AMOTL1: variants seen among roughly 807,000 people sequenced by gnomAD.
AMOTL1 encodes angiomotin-like protein 1.
Under a neutral mutation model 102.9 loss-of-function variants are expected in AMOTL1, and 45 were observed. That is an observed-to-expected ratio of 0.44 (90% CI 0.34 to 0.56). The LOEUF (loss-of-function observed/expected upper bound fraction) is 0.56. Ranked by LOEUF, AMOTL1 falls within the 20% of genes least tolerant of loss-of-function variation. AMOTL1 has a pLI of 0.01. For synonymous variants in AMOTL1, 481 were observed against 484.7 expected (o/e 0.99, Z 0.10); for missense variants, 1,114 against 1,225.6 (o/e 0.91, Z 1.36).
chr11:94,795,114 A>G lies in AMOTL1; in HGVS notation c.153A>G (p.Thr51=), dbSNP rs1951342729. Residue 51 remains threonine, a synonymous_variant, in exon 2 of 13, where the codon ACA becomes ACG. Coordinates refer to ENST00000433060, the MANE Select transcript of AMOTL1 (RefSeq NM_130847.3). ...AGCTCTATTCTGGGAGGCATGAAAC[A>G]TCTGCTTTGACGGTGGAGGCAACCA... ...DFQLYSGRHE[T]SALTVEATSS... 1 of 1,613,838 alleles carries G rather than the reference A, an allele frequency of 6.2e-7. No individual in the cohort carries two copies. Among genetic ancestry groups the G allele is most frequent in the African/African-American group, 1.3e-5 (1 of 74,914 alleles).
chr11:94,851,114 A>G (rs1303149310), intron 7 of AMOTL1, among the ~76,000 whole-genome samples: 2 of 152,198 alleles, frequency 1.3e-5, no homozygotes, highest in Non-Finnish European at 2.9e-5. Context: ...TTTTAATACT[A>G]GCATAAGGCT....
Position 94,793,657 on chromosome 11 carries a change from G to A in AMOTL1, c.50-1354G>A, listed in dbSNP as rs902435142. On this transcript the variant is annotated intron_variant, in intron 1 of 12. Coordinates refer to ENST00000433060, the MANE Select transcript of AMOTL1 (RefSeq NM_130847.3). ...TTAGCCCTAGGCTTCTAGATTTATA[G>A]ACGTAGAGGATGATGCCCGGAAAGG... Among the ~76,000 whole-genome samples, 6 of 152,214 alleles carry A rather than the reference G, an allele frequency of 3.9e-5. No individual in the cohort carries two copies. In the East Asian group the frequency reaches 1.2e-3, roughly 29 times the overall value.
chr11:94,750,555 G>T (rs780169574), intron 3 of AMOTL1, among the ~76,000 whole-genome samples: 1 of 152,160 alleles, frequency 6.6e-6, no homozygotes, highest in Non-Finnish European at 1.5e-5. Flanking sequence ...GGTGGGCTAC[G>T]TGTGCGTAGC....
chr11:94,854,213 C>T, intron 8 of AMOTL1, 131 bp downstream of exon 8: 1 of 1,177,054 alleles, frequency 8.5e-7, no homozygotes, highest in African/African-American at 1.6e-5. Context: ...TCCCTGTCCT[C>T]AGTGAACCCA....
chr11:94,800,374 T>G (rs1258793290), intron 3 of AMOTL1, 63 bp downstream of exon 3: 37 of 1,476,002 alleles, frequency 2.5e-5, no homozygotes, highest in Non-Finnish European at 3.4e-5. Flanking sequence ...GTTATTAGCA[T>G]TTATTATTTT....
intron 3 of AMOTL1, among the ~76,000 whole-genome samples, chr11:94,759,311 TATACAC>T (rs994995807): frequency 7.2e-5 from 11 of 152,214 alleles, no homozygotes; most frequent in African/African-American, 2.7e-4. Context: ...TTTTTAAAAA[TATACAC>T]ATAGGTGCTG....
chr11:94,863,279 T>TAAA (rs57178685), intron 9 of AMOTL1, among the ~76,000 whole-genome samples: 73 of 120,584 alleles, frequency 6.1e-4, no homozygotes, highest in African/African-American at 2.0e-3. Context: ...GGCTATTCTG[T>TAAA]AAAAAAAAAA....
rs778914039 is a variant in AMOTL1, at chr11:94,800,307, A to G, written c.1117A>G (p.Thr373Ala). 1.7e-5 allele frequency: 27 copies of G among 1,588,390 alleles called. No homozygotes were observed. Among genetic ancestry groups the G allele is most frequent in the Non-Finnish European group, 2.2e-5 (26 of 1,168,946 alleles). The change falls in exon 3 of 13, where the codon ACG becomes GCG. Residue 373 changes from threonine to alanine, a missense_variant. By Grantham distance (58) the Thr-to-Ala change is moderately conservative (BLOSUM62 0). Transcript: ENST00000433060. ...CCAGCCACCCCCTGAGTATGGGGTA[A>G]CGAGGTGATTATCAACTGCAGACGT... ...RYQPPPEYGV[T>A]SRPCQLPFPS...
intron 1 of AMOTL1, among the ~76,000 whole-genome samples, chr11:94,713,735 A>G (rs944635606): frequency 2.0e-5 from 3 of 151,836 alleles, no homozygotes; most frequent in Admixed American, 6.6e-5. Context: ...AAATCCTGCA[A>G]CTGTGTTGAA....
chr11:94,748,331 A>G (rs138464997), intron 3 of AMOTL1, among the ~76,000 whole-genome samples: 4 of 152,320 alleles, frequency 2.6e-5, no homozygotes, highest in Non-Finnish European at 5.9e-5. Flanking sequence ...TAGACGAGGG[A>G]GAAGGAAAGT....
chr11:94,729,766 T>C (rs914432615), intron 2 of AMOTL1, among the ~76,000 whole-genome samples: 1 of 152,214 alleles, frequency 6.6e-6, no homozygotes, highest in Non-Finnish European at 1.5e-5. Flanking sequence ...CACAAGGATA[T>C]GTCTCCCATT....
At chr11:94,837,173 C>G (rs1240767365) in intron 6 of AMOTL1, among the ~76,000 whole-genome samples, 1 of 152,176 alleles carries the variant, frequency 6.6e-6, no homozygotes, top group Non-Finnish European at 1.5e-5. Flanking sequence ...AGCAAATTGT[C>G]TTGGATAAGC....
chr11:94,759,571 CA>C (rs59815376), intron 3 of AMOTL1, among the ~76,000 whole-genome samples: 83 of 129,824 alleles, frequency 6.4e-4, no homozygotes, highest in Non-Finnish European at 7.9e-4. Context: ...CTTTTAGGTG[CA>C]AAAAAAAAAA....
intron 1 of AMOTL1, among the ~76,000 whole-genome samples, chr11:94,772,716 G>A (rs541030013): frequency 6.6e-5 from 10 of 152,186 alleles, no homozygotes; most frequent in Non-Finnish European, 8.8e-5. Flanking sequence ...CATTTCTCTG[G>A]CGTAAATGCC....
chr11:94,834,547 G>A (rs1306871639), intron 6 of AMOTL1, among the ~76,000 whole-genome samples: 1 of 152,012 alleles, frequency 6.6e-6, no homozygotes, highest in Non-Finnish European at 1.5e-5. Flanking sequence ...AGCTGAGATC[G>A]CGCCACTGCA....
chr11:94,727,455 A>G (rs1484139550), intron 1 of AMOTL1, among the ~76,000 whole-genome samples: 1 of 152,182 alleles, frequency 6.6e-6, no homozygotes, highest in Non-Finnish European at 1.5e-5. Flanking sequence ...TCTAGCCTCA[A>G]TCAGCCACCT....
intron 7 of AMOTL1, among the ~76,000 whole-genome samples, chr11:94,851,491 A>G (rs942881428): frequency 4.6e-5 from 7 of 152,128 alleles, no homozygotes; most frequent in Middle Eastern, 3.4e-3. Context: ...TTCCAGCATC[A>G]CTCCTTTCTA....
Position 94,730,111 on chromosome 11 carries a change from C to T in AMOTL1, c.85+1056C>T, listed in dbSNP as rs185045658. On this transcript the variant is annotated intron_variant, in intron 2 of 4. Coordinates refer to the AMOTL1 transcript ENST00000299004. ...TGCACTGTCATACTGTCATTCCAGC[C>T]TCTTTTTAGAAGTTCTTAAGCCAGC... 1.9e-3 allele frequency among the ~76,000 whole-genome samples: 291 copies of T among 152,222 alleles called. 2 individuals are homozygous for T. Among genetic ancestry groups the T allele is most frequent in the Admixed American group, 6.1e-3 (93 of 15,296 alleles).
intron 4 of AMOTL1, among the ~76,000 whole-genome samples, chr11:94,829,122 AT>A (rs975533105): frequency 2.6e-5 from 4 of 151,698 alleles, no homozygotes; most frequent in Non-Finnish European, 5.9e-5. Context: ...TTAGTGAAAT[AT>A]TTTTTTAAAT....
Sources: gnomAD v4.1 joint callset for allele counts (sites outside exome capture counted in the v4.1 genomes callset) on GRCh38, gnomAD v4.1.1 for gene constraint, MANE v1.5 for transcripts, NCBI Gene and HGNC (gene_info 2026-07-23, HGNC 2026-07-21) for gene names.